The following VWA5B1 variants were observed in gnomAD, a reference collection of about 807,000 sequenced individuals.
VWA5B1 encodes von Willebrand factor A domain-containing protein 5B1.
A neutral mutation model predicts 118.2 loss-of-function variants in VWA5B1; 115 were observed. The observed-to-expected ratio is 0.97, with a 90% CI of 0.84 to 1.14. VWA5B1 has a LOEUF of 1.14. VWA5B1 is among the 50% of genes most tolerant of loss of function. The pLI is 0.00. For synonymous variants in VWA5B1, 682 were observed against 658.4 expected, an observed-to-expected ratio of 1.04 and a Z score of -0.55; for missense variants, 1,596 against 1,603.8, an observed-to-expected ratio of 1.00 and a Z score of 0.08.
chr1:20,319,524 G>T lies in VWA5B1; in HGVS notation c.966+18G>T. 6.4e-7 allele frequency: 1 copy of T among 1,551,212 alleles called. No individual in the cohort carries two copies. Among genetic ancestry groups the T allele is most frequent in the Non-Finnish European group, 8.7e-7 (1 of 1,146,914 alleles). Reference sequence around the variant, plus strand: ...AGCGGAAGGTGAGGGCAACTGAGGTGGGGAGCGGACGGTGGCAGAGTTGGG... The same window carrying T: ...AGCGGAAGGTGAGGGCAACTGAGGTTGGGAGCGGACGGTGGCAGAGTTGGG... On this transcript the variant is annotated intron_variant, in intron 7 of 21. Coordinates refer to ENST00000289815, the MANE Select transcript of VWA5B1 (RefSeq NM_001039500.3).
chr1:20,323,428 G>A lies in VWA5B1; in HGVS notation c.1039G>A (p.Asp347Asn), dbSNP rs1442963231. 2.0e-5 allele frequency: 30 copies of A among 1,534,572 alleles called. No homozygotes were observed. In the East Asian group the frequency reaches 5.3e-4, roughly 27 times the overall value. ...HSVIMLNFCP[D>N]LQSVQPCLRK... The stretch of plus-strand genomic sequence containing the variant: ...CGTCATCATGCTCAACTTCTGTCCC[G>A]ACCTCCAGTCAGTCCAGCCGTGCCT... Residue 347 changes from aspartate (D) to asparagine (N), a missense_variant, in exon 8 of 22, where the codon GAC becomes AAC. Physicochemically the swap from Asp to Asn is conservative, Grantham distance 23 (BLOSUM62 1). Transcript: ENST00000289815.
chr1:20,298,757 G>A (rs940891854), intron 1 of VWA5B1, among the ~76,000 whole-genome samples: 1 of 152,142 alleles, frequency 6.6e-6, no homozygotes, highest in South Asian at 2.1e-4. Context: ...TGACGAGGGG[G>A]ACTCTGCAGC....
intron 9 of VWA5B1, among the ~76,000 whole-genome samples, chr1:20,329,928 A>G (rs1238395469): frequency 1.3e-5 from 2 of 152,114 alleles, no homozygotes; most frequent in African/African-American, 4.8e-5. Flanking sequence ...GAGTGCTTCT[A>G]TTTTTAAAGG....
At position 20,354,354 on chromosome 1, in the gene VWA5B1, C is replaced by G; in HGVS notation, c.*91C>G. 7.1e-7 allele frequency: 1 copy of G among 1,411,904 alleles called. No individual in the cohort carries two copies. The highest frequency in any genetic ancestry group is 9.4e-7 in the Non-Finnish European group (1 of 1,063,546). The allele number at this position is 1,411,904 out of a possible 1,614,324, so 87.5% of individuals were successfully genotyped here. ...GCCTGGTTTCGGGGAGCTTTTGGAGCTGTAACTAATATTTCAGTTACTAGA... is the reference window on the plus strand; with the variant it reads ...GCCTGGTTTCGGGGAGCTTTTGGAGGTGTAACTAATATTTCAGTTACTAGA... On this transcript the variant is annotated 3_prime_UTR_variant, in exon 22 of 22. Transcript: ENST00000289815.
intron 16 of VWA5B1, 79 bp downstream of exon 16, chr1:20,343,472 C>G: frequency 6.9e-7 from 1 of 1,442,176 alleles, no homozygotes; most frequent in Non-Finnish European, 9.1e-7. Context: ...CCCCCTTCCC[C>G]ACCCGCCCCC....
chr1:20,338,454 ATTCTCATGCCTCAGCC>A (rs2089784681), intron 14 of VWA5B1: 1 of 174,912 alleles, frequency 5.7e-6, no homozygotes, highest in African/African-American at 2.4e-5. Context: ...GGTTCAAGCA[ATTCTCATGCCTCAGCC>A]TTCCAAGTAG....
intron 1 of VWA5B1, among the ~76,000 whole-genome samples, chr1:20,295,680 C>A (rs1305712392): frequency 6.6e-6 from 1 of 152,128 alleles, no homozygotes; most frequent in Non-Finnish European, 1.5e-5. Flanking sequence ...GAGACAGGAC[C>A]CAGGGCCAGG....
chr1:20,308,539 G>A (rs1251524606), intron 1 of VWA5B1, among the ~76,000 whole-genome samples: 1 of 152,122 alleles, frequency 6.6e-6, no homozygotes. Context: ...AATGAAGGCC[G>A]CCATCTTGTC....
intron 14 of VWA5B1, among the ~76,000 whole-genome samples, chr1:20,341,273 C>T (rs185822959): frequency 6.6e-6 from 1 of 152,354 alleles, no homozygotes; most frequent in East Asian, 1.9e-4. Flanking sequence ...GTATACAGTA[C>T]TTGCACATCG....
chr1:20,312,925 G>C lies in VWA5B1; in HGVS notation c.229G>C (p.Asp77His). 1 of 1,551,698 alleles carries C rather than the reference G, an allele frequency of 6.4e-7. No individual in the cohort carries two copies. The highest frequency in any genetic ancestry group is 8.7e-7 in the Non-Finnish European group (1 of 1,146,996). The change falls in exon 3 of 22, where the codon GAC (aspartate) becomes CAC (histidine). Residue 77 changes from aspartate to histidine, a missense_variant. Asp to His is a moderately conservative substitution (Grantham distance 81). Transcript: ENST00000289815. ...ADRVVTVQIKDKAKLESGHFD... is the reference protein window; with the variant it reads ...ADRVVTVQIKHKAKLESGHFD... ...CCGTGTCGTGACAGTACAGATCAAG[G>C]ACAAAGCCAAGCTGGAGAGCGGCCA...
intron 6 of VWA5B1, 102 bp from the exon 7 acceptor site, chr1:20,319,280 G>A: frequency 1.4e-6 from 2 of 1,475,200 alleles, no homozygotes; most frequent in Non-Finnish European, 1.8e-6. Flanking sequence ...CTTCCAAATG[G>A]GAGTCCCACC....
chr1:20,349,731 C>CTTTTTT (rs35309990), intron 18 of VWA5B1, among the ~76,000 whole-genome samples: 1 of 111,816 alleles, frequency 8.9e-6, no homozygotes. Flanking sequence ...ACATTCCTGA[C>CTTTTTT]TTTTTTTTTT....
intron 8 of VWA5B1, among the ~76,000 whole-genome samples, chr1:20,325,379 G>C (rs1429327233): frequency 6.6e-6 from 1 of 152,178 alleles, no homozygotes. Context: ...TTTCTGTAGA[G>C]AGAGAAGGAT....
chr1:20,349,472 C>T (rs988926533), intron 18 of VWA5B1, among the ~76,000 whole-genome samples: 1 of 152,006 alleles, frequency 6.6e-6, no homozygotes, highest in Non-Finnish European at 1.5e-5. Flanking sequence ...CAACGTCCAC[C>T]TCCTGGGTTC....
intron 8 of VWA5B1, among the ~76,000 whole-genome samples, chr1:20,324,342 C>T (rs148158370): frequency 2.0e-5 from 3 of 152,122 alleles, no homozygotes; most frequent in Admixed American, 1.3e-4. Flanking sequence ...AATCCTCCCC[C>T]CTCACAATCC....
At chr1:20,327,757 C>G in intron 8 of VWA5B1, 133 bp from the exon 9 acceptor site, 3 of 762,938 alleles carry the variant, frequency 3.9e-6, no homozygotes, top group Non-Finnish European at 6.5e-6. Flanking sequence ...AAAGGAGTTG[C>G]TGGGTGCAGA....
In VWA5B1 at chr1:20,345,463, C is replaced by T; in HGVS notation, c.2634C>T (p.Asn878=). Reference sequence around the variant, plus strand: ...CAGTTTCTCCCTCCACAGGGTCCAACCGCCGCTACCAAGTGAGCGCCTTGC... The same window carrying T: ...CAGTTTCTCCCTCCACAGGGTCCAATCGCCGCTACCAAGTGAGCGCCTTGC... ...EREGEIEQGS[N]RRYQVSALHT... The change falls in exon 17 of 22, where the codon AAC becomes AAT. Residue 878 remains asparagine (N), a synonymous_variant. Transcript: ENST00000289815. The T allele has an allele frequency of 6.4e-7, 1 of 1,551,140 alleles. No homozygotes were observed. The highest frequency in any genetic ancestry group is 1.2e-5 in the South Asian group (1 of 84,052).
At position 20,327,902 on chromosome 1, in the gene VWA5B1, G is replaced by A; in HGVS notation, c.1156G>A (p.Val386Met). The change falls in exon 9 of 22, where the codon GTG becomes ATG. Residue 386 changes from valine to methionine, a missense_variant. By Grantham distance (21) the Val-to-Met change is conservative (BLOSUM62 1). Coordinates refer to ENST00000289815, the MANE Select transcript of VWA5B1 (RefSeq NM_001039500.3). ...SMHRVKDAML[V>M]ALKSLMPACL... ...TCTCTCCTGCCAGGATGCCATGTTG[G>A]TGGCCCTTAAGAGCCTCATGCCAGC... The A allele has an allele frequency of 6.4e-7, 1 of 1,551,482 alleles. No homozygotes were observed. The highest frequency in any genetic ancestry group is 8.7e-7 in the Non-Finnish European group (1 of 1,146,950).
intron 8 of VWA5B1, among the ~76,000 whole-genome samples, chr1:20,327,478 C>T (rs1264622428): frequency 6.6e-6 from 1 of 152,160 alleles, no homozygotes; most frequent in Non-Finnish European, 1.5e-5. Flanking sequence ...GACCAGGCCA[C>T]TTTCCTCCCT....
Sources: allele counts gnomAD v4.1 joint callset (sites outside exome capture counted in the v4.1 genomes callset), GRCh38; gene constraint gnomAD v4.1.1; transcripts MANE v1.5; gene names NCBI Gene and HGNC (gene_info 2026-07-23, HGNC 2026-07-21).